The following CELF2 variants were observed in gnomAD, a reference collection of about 807,000 sequenced individuals.
CELF2 encodes the protein CUGBP Elav-like family member 2.
CELF2 carries 8 observed loss-of-function variants against 62.6 expected under a neutral mutation model. The observed-to-expected ratio is 0.13, with a 90% CI of 0.07 to 0.23. The LOEUF (loss-of-function observed/expected upper bound fraction) is 0.23. CELF2 is among the 10% of genes least tolerant of loss of function. The pLI is 1.00. For missense variants in CELF2, 333 were observed against 671.0 expected, an observed-to-expected ratio of 0.50 and a Z score of 5.56; for synonymous variants, 258 against 250.0, an observed-to-expected ratio of 1.03 and a Z score of -0.30.
chr10:11,312,847 T>A (rs975610101), intron 9 of CELF2, among the ~76,000 whole-genome samples: 6 of 152,078 alleles, frequency 3.9e-5, no homozygotes, highest in African/African-American at 1.4e-4. Flanking sequence ...GGCAGGAGAA[T>A]CACTTGAACC....
intron 1 of CELF2, among the ~76,000 whole-genome samples, chr10:10,850,720 T>G (rs1042247914): frequency 2.0e-5 from 3 of 152,214 alleles, no homozygotes; most frequent in Non-Finnish European, 4.4e-5. Flanking sequence ...GCTTTTAATC[T>G]TCACAATAAC....
chr10:10,899,791 A>G (rs1168560499), intron 1 of CELF2, among the ~76,000 whole-genome samples: 1 of 152,204 alleles, frequency 6.6e-6, no homozygotes, highest in East Asian at 1.9e-4. Flanking sequence ...GGGAGGTGCT[A>G]CGCACTTTTA....
intron 1 of CELF2, among the ~76,000 whole-genome samples, chr10:11,119,882 G>A (rs888700110): frequency 2.2e-5 from 1 of 44,474 alleles, no homozygotes. Flanking sequence ...CCCGGCCCCC[G>A]CTTTTTTGTT....
intron 1 of CELF2, among the ~76,000 whole-genome samples, chr10:10,891,128 A>G (rs1228755853): frequency 6.6e-6 from 1 of 152,214 alleles, no homozygotes; most frequent in Non-Finnish European, 1.5e-5. Flanking sequence ...ACGATTAGAC[A>G]TACAGACTCC....
chr10:10,841,544 A>C (rs1467544271), intron 1 of CELF2, among the ~76,000 whole-genome samples: 1 of 146,168 alleles, frequency 6.8e-6, no homozygotes, highest in Admixed American at 6.8e-5. Context: ...TTGCCTTTGC[A>C]TCTTTTTTTT....
intron 9 of CELF2, among the ~76,000 whole-genome samples, chr10:11,301,326 C>A (rs2093691911): frequency 6.6e-6 from 1 of 151,378 alleles, no homozygotes; most frequent in African/African-American, 2.4e-5. Flanking sequence ...AATAAGAAGC[C>A]CACTGGAGCC....
chr10:10,567,905 A>G, the CELF2 span, among the ~76,000 whole-genome samples: 1 of 152,138 alleles, frequency 6.6e-6, no homozygotes, highest in African/African-American at 2.4e-5. Context: ...CATTCATTCA[A>G]CAGATATTTA....
At chr10:10,765,994 C>T in the CELF2 span, among the ~76,000 whole-genome samples, 2 of 152,216 alleles carry the variant, frequency 1.3e-5, no homozygotes, top group Non-Finnish European at 2.9e-5. Context: ...GAGTCAGGAC[C>T]AAGCTACCAA....
intron 1 of CELF2, among the ~76,000 whole-genome samples, chr10:11,135,452 C>T (rs947689895): frequency 6.6e-6 from 1 of 152,190 alleles, no homozygotes; most frequent in Non-Finnish European, 1.5e-5. Flanking sequence ...GTCTGTGAAA[C>T]GTGCATTTCC....
chr10:10,717,602 GC>G, the CELF2 span, among the ~76,000 whole-genome samples: 3 of 152,132 alleles, frequency 2.0e-5, no homozygotes. Context: ...ATGAGATATA[GC>G]TTTTCACTAC....
the CELF2 span, among the ~76,000 whole-genome samples, chr10:10,668,270 G>C: frequency 6.6e-6 from 1 of 152,076 alleles, no homozygotes; most frequent in African/African-American, 2.4e-5. Flanking sequence ...ATTCTCCTCA[G>C]GTCCCCTTTT....
At chr10:10,540,899 C>T in the CELF2 span, among the ~76,000 whole-genome samples, 44 of 152,186 alleles carry the variant, frequency 2.9e-4, no homozygotes, top group South Asian at 2.1e-4. Flanking sequence ...AAAAGACCCA[C>T]GTACACAGGG....
At position 11,108,893 on chromosome 10, in the gene CELF2, G is replaced by C. The variant is rs2054388674; in HGVS notation, c.75-56593G>C. Among the ~76,000 whole-genome samples the C allele has an allele frequency of 2.0e-5, 3 of 152,194 alleles. No individual in the cohort carries two copies. In the South Asian group the frequency reaches 6.2e-4, roughly 32 times the overall value. On this transcript the variant is annotated intron_variant, in intron 1 of 12. Coordinates refer to ENST00000633077, the MANE Select transcript of CELF2 (RefSeq NM_001326342.2). ...TGCACATTTTTCCATTGGGTTTCTT[G>C]TCTTTTTTGTTAATCTCTTCTATAG...
At chr10:11,076,138 A>G (rs759170144) in intron 1 of CELF2, among the ~76,000 whole-genome samples, 1 of 151,920 alleles carries the variant, frequency 6.6e-6, no homozygotes, top group Admixed American at 6.6e-5. Context: ...AAAATAGCAG[A>G]TGGGATATTG....
chr10:11,217,093 C>G lies in CELF2; in HGVS notation c.272-332C>G, dbSNP rs1007988859. On this transcript the variant is annotated intron_variant, in intron 2 of 12. Coordinates refer to ENST00000633077, the MANE Select transcript of CELF2 (RefSeq NM_001326342.2). The surrounding 1 kb of genome is among the most constrained non-coding windows in gnomAD (Gnocchi z 5.6). ...GTGCTGTTGTTATTGTGATTAAATGCTTCTCTTCACGTAGGTGCTATAACA... is the reference window on the plus strand; with the variant it reads ...GTGCTGTTGTTATTGTGATTAAATGGTTCTCTTCACGTAGGTGCTATAACA... Among the ~76,000 whole-genome samples the G allele has an allele frequency of 1.8e-4, 28 of 152,200 alleles. No individual in the cohort carries two copies. The highest frequency in any genetic ancestry group is 6.3e-4 in the African/African-American group (26 of 41,440).
At chr10:10,699,432 G>A in the CELF2 span, among the ~76,000 whole-genome samples, 2 of 152,330 alleles carry the variant, frequency 1.3e-5, no homozygotes, top group East Asian at 1.9e-4. Context: ...TTTTGTCCTT[G>A]TAGAGATGGA....
intron 11 of CELF2, among the ~76,000 whole-genome samples, chr10:11,323,618 C>T (rs1030463499): frequency 3.3e-5 from 5 of 152,072 alleles, no homozygotes; most frequent in African/African-American, 1.2e-4. Context: ...TGGACTCTTA[C>T]AGCTTTGTTC....
chr10:10,919,897 A>G, intron 1 of CELF2: 1 of 1,035,832 alleles, frequency 9.7e-7, no homozygotes, highest in Non-Finnish European at 1.2e-6. Context: ...TTATGTGATT[A>G]AATACATTTT....
chr10:10,672,678 A>G, the CELF2 span, among the ~76,000 whole-genome samples: 3 of 151,956 alleles, frequency 2.0e-5, no homozygotes, highest in Admixed American at 6.6e-5. Context: ...TACCAATACT[A>G]TAGAGTCTTC....
Sources: gnomAD v4.1 joint callset for allele counts (sites outside exome capture counted in the v4.1 genomes callset) on GRCh38, gnomAD v4.1.1 for gene constraint, Gnocchi (gnomAD v3.1) non-coding constraint, MANE v1.5 for transcripts, NCBI Gene and HGNC (gene_info 2026-07-23, HGNC 2026-07-21) for gene names.